Variants in EPHA6 observed in about 807,000 individuals in gnomAD.
The protein encoded by EPHA6 is EPH receptor A6, also known as ephrin type-A receptor 6.
Under a neutral mutation model 112.0 loss-of-function variants are expected in EPHA6, and 50 were observed. That is an observed-to-expected ratio of 0.45 (90% CI 0.36 to 0.56). The LOEUF (loss-of-function observed/expected upper bound fraction) is 0.56, where lower values mean the gene tolerates loss of function less well. Ranked by LOEUF, EPHA6 falls within the 20% of genes least tolerant of loss-of-function variation. The pLI is 0.00. For synonymous variants in EPHA6, 529 were observed against 490.7 expected (o/e 1.08, Z -1.03); for missense variants, 1,280 against 1,417.4 (o/e 0.90, Z 1.56).
rs113767454 is a variant in EPHA6, at chr3:97,078,019, T to A, written c.1114+90026T>A. 2.8e-3 allele frequency among the ~76,000 whole-genome samples: 431 copies of A among 152,218 alleles called. 3 individuals are homozygous for A. The highest frequency in any genetic ancestry group is 9.6e-3 in the African/African-American group (400 of 41,556). On this transcript the variant is annotated intron_variant, in intron 3 of 17. Coordinates refer to ENST00000389672, the MANE Select transcript of EPHA6 (RefSeq NM_001080448.3). ...GTTTACACTCCAACCAACAGTGTAA[T>A]AGTGTTCCTATTTCTCCACATCCTC...
At chr3:97,380,012 C>T (rs527894506) in intron 5 of EPHA6, among the ~76,000 whole-genome samples, 16 of 152,052 alleles carry the variant, frequency 1.1e-4, no homozygotes, top group African/African-American at 3.1e-4. Flanking sequence ...AAATAGGAAA[C>T]GTATTAAAGC....
intron 3 of EPHA6, among the ~76,000 whole-genome samples, chr3:97,069,946 T>G (rs892197935): frequency 1.3e-5 from 2 of 152,128 alleles, no homozygotes; most frequent in African/African-American, 4.8e-5. Flanking sequence ...TGGCTTCTGT[T>G]TCTCTGACAT....
intron 12 of EPHA6, among the ~76,000 whole-genome samples, chr3:97,594,261 A>G (rs1313001359): frequency 6.6e-6 from 1 of 152,224 alleles, no homozygotes; most frequent in African/African-American, 2.4e-5. Context: ...TCATTTAGCT[A>G]CTGAGAATGA....
chr3:97,187,182 C>A (rs1180261950), intron 3 of EPHA6, among the ~76,000 whole-genome samples: 1 of 152,030 alleles, frequency 6.6e-6, no homozygotes, highest in Admixed American at 6.6e-5. Context: ...TCTGTACATA[C>A]AGATTTAAGG....
At chr3:96,870,588 A>G (rs906094749) in intron 2 of EPHA6, among the ~76,000 whole-genome samples, 1 of 152,104 alleles carries the variant, frequency 6.6e-6, no homozygotes, top group African/African-American at 2.4e-5. Flanking sequence ...TTTAGCAGTT[A>G]TCTTTAGCCT....
At chr3:97,354,114 G>C (rs186896843) in intron 5 of EPHA6, among the ~76,000 whole-genome samples, 2 of 152,108 alleles carry the variant, frequency 1.3e-5, no homozygotes, top group Non-Finnish European at 2.9e-5. Context: ...AGTAACCAAA[G>C]ATTTAGATCA....
rs73133026 is a variant in EPHA6 at position 97,208,852 on chromosome 3, G to C, written c.1115-17412G>C. Among the ~76,000 whole-genome samples the C allele has an allele frequency of 6.2e-3, 937 of 152,162 alleles. 4 individuals carry two copies. The highest frequency in any genetic ancestry group is 0.01 in the Middle Eastern group (3 of 294). On this transcript the variant is annotated intron_variant, in intron 3 of 17. Transcript: ENST00000389672. ...TGATACAAATAATCATTTAAACCTT[G>C]TATGATAAATACAAACACATATTAT...
intron 3 of EPHA6, among the ~76,000 whole-genome samples, chr3:97,148,029 C>G (rs2076085250): frequency 6.6e-6 from 1 of 151,954 alleles, no homozygotes; most frequent in Non-Finnish European, 1.5e-5. Flanking sequence ...TTTTGTATAT[C>G]TAAAATTATT....
chr3:96,855,599 T>G (rs1283436392), intron 1 of EPHA6, among the ~76,000 whole-genome samples: 1 of 151,874 alleles, frequency 6.6e-6, no homozygotes, highest in Admixed American at 6.6e-5. Context: ...TAGAGGGAAA[T>G]TTATGCTGGA....
chr3:97,198,880 A>G (rs58246515), intron 3 of EPHA6, among the ~76,000 whole-genome samples: 1,910 of 152,214 alleles, frequency 0.013, 33 homozygotes, highest in African/African-American at 0.044. Context: ...ATTTGTATAT[A>G]TATAATTGCC....
In EPHA6 at chr3:97,592,640, G is replaced by A. The variant is rs141266259; in HGVS notation, c.2415G>A (p.Ala805=). 31 of 1,613,402 alleles carry A rather than the reference G, an allele frequency of 1.9e-5. 1 individual carries two copies. The East Asian group carries it at 2.0e-4, about 10-fold the overall frequency. Residue 805 remains alanine (A), a synonymous_variant, in exon 12 of 18, where the codon GCG becomes GCA. Transcript: ENST00000389672. ...KRSFPAIGVE[A]FCPSFLRAGF... ...CCTTCCCGGCCATTGGGGTGGAGGC[G>A]TTTTGCCCCAGCTTCCTGAGGGCAG...
chr3:97,591,960 A>ATAATT lies in EPHA6; in HGVS notation c.2387-650_2387-646dup, dbSNP rs563203941. ...ACTCTTTTATTCTATGATTCATTATATAATTTTATGGATAAATTTCCAAGC... is the reference window on the plus strand; with the variant it reads ...ACTCTTTTATTCTATGATTCATTATATAATTTAATTTTATGGATAAATTTCCAAGC... On this transcript the variant is annotated intron_variant, in intron 11 of 17. Coordinates refer to ENST00000389672, the MANE Select transcript of EPHA6 (RefSeq NM_001080448.3). Among the ~76,000 whole-genome samples, 9 of 152,300 alleles carry ATAATT rather than the reference A, an allele frequency of 5.9e-5. No individual in the cohort carries two copies. The South Asian group carries it at 8.3e-4, about 14-fold the overall frequency.
intron 1 of EPHA6, among the ~76,000 whole-genome samples, chr3:96,840,962 C>G (rs2034709108): frequency 6.6e-6 from 1 of 151,952 alleles, no homozygotes; most frequent in Admixed American, 6.6e-5. Flanking sequence ...TGTGAACCCC[C>G]AAAATCTGAG....
chr3:97,314,446 A>G (rs1247348596), intron 5 of EPHA6, among the ~76,000 whole-genome samples: 2 of 151,642 alleles, frequency 1.3e-5, no homozygotes, highest in African/African-American at 4.8e-5. Context: ...ATTGAGAAGA[A>G]TAATCAAACT....
In EPHA6 at chr3:96,888,985, G is replaced by A. The variant is rs907975282; in HGVS notation, c.450+22096G>A. 3.3e-5 allele frequency among the ~76,000 whole-genome samples: 5 copies of A among 151,984 alleles called. No individual in the cohort carries two copies. In the East Asian group the frequency reaches 5.8e-4, roughly 18 times the overall value. On this transcript the variant is annotated intron_variant, in intron 2 of 17. Coordinates refer to ENST00000389672, the MANE Select transcript of EPHA6 (RefSeq NM_001080448.3). ...GCTTTGCTGCTTGGAAATTTCTTCC[G>A]CCAGATACCCTAAATCATCTCTCTC...
intron 11 of EPHA6, among the ~76,000 whole-genome samples, chr3:97,574,801 A>G (rs2093367254): frequency 6.6e-6 from 1 of 152,128 alleles, no homozygotes; most frequent in African/African-American, 2.4e-5. Flanking sequence ...GTAGCCAGTG[A>G]TATGTTAATT....
At chr3:97,567,970 G>C (rs2093289066) in intron 11 of EPHA6, among the ~76,000 whole-genome samples, 1 of 152,124 alleles carries the variant, frequency 6.6e-6, no homozygotes, top group Non-Finnish European at 1.5e-5. Context: ...TGGGTTATAA[G>C]GGTGGTCCCT....
At chr3:97,206,662 G>A (rs183533202) in intron 3 of EPHA6, among the ~76,000 whole-genome samples, 10 of 151,936 alleles carry the variant, frequency 6.6e-5, no homozygotes, top group African/African-American at 9.6e-5. Flanking sequence ...TTAATATACC[G>A]CCAATGAGTT....
intron 12 of EPHA6, chr3:97,606,069 A>T (rs2093678101): frequency 6.6e-6 from 1 of 151,462 alleles, no homozygotes; most frequent in African/African-American, 2.4e-5. Context: ...CAAGCAATTT[A>T]GACGTTAATT....
Sources: allele counts gnomAD v4.1 joint callset (sites outside exome capture counted in the v4.1 genomes callset), GRCh38; gene constraint gnomAD v4.1.1; transcripts MANE v1.5; gene names NCBI Gene and HGNC (gene_info 2026-07-23, HGNC 2026-07-21).